LYG1: variants seen among roughly 807,000 people sequenced by gnomAD.
The protein encoded by LYG1 is lysozyme g-like protein 1.
In LYG1, 17 loss-of-function variants were observed where a neutral mutation model predicts 21.7. The ratio of observed to expected loss-of-function variants is 0.78; its 90% CI spans 0.54 to 1.18. The LOEUF (loss-of-function observed/expected upper bound fraction) is 1.18, where lower values mean the gene tolerates loss of function less well. Ranked by LOEUF, LYG1 falls within the 50% of genes most tolerant of loss-of-function variation. The pLI, the probability that LYG1 is intolerant of heterozygous loss-of-function variation, is 0.00. For missense variants in LYG1, 211 were observed against 238.1 expected, an observed-to-expected ratio of 0.89 and a Z score of 0.75; for synonymous variants, 81 against 87.4, an observed-to-expected ratio of 0.93 and a Z score of 0.41.
chr2:99,287,635 C>T (rs1407720093), intron 5 of LYG1, among the ~76,000 whole-genome samples: 1 of 151,900 alleles, frequency 6.6e-6, no homozygotes, highest in Admixed American at 6.6e-5. Flanking sequence ...GTTTCTCTAT[C>T]ATCCTGTTTT....
Position 99,297,223 on chromosome 2 carries a change from GCTCAGATTTAATCA to G in LYG1, c.-33+1222_-33+1235del, listed in dbSNP as rs547299975. On this transcript the variant is annotated intron_variant, in intron 2 of 6. Transcript: ENST00000308528. ...GAATCTTAGCTGGGTCTGCAGGAAC[GCTCAGATTTAATCA>G]CCCAACAGGAGTCATTTATTCAGCA... 3.3e-3 allele frequency among the ~76,000 whole-genome samples: 501 copies of G among 152,254 alleles called. 3 individuals carry two copies. Among genetic ancestry groups the G allele is most frequent in the African/African-American group, 0.01 (432 of 41,552 alleles).
At chr2:99,304,265 G>C (rs571120671), upstream of LYG1, among the ~76,000 whole-genome samples, 1 of 152,294 alleles carries the variant, frequency 6.6e-6, no homozygotes, top group South Asian at 2.1e-4. Flanking sequence ...TCTCATGGTA[G>C]TGTATAAGTC....
At chr2:99,299,050 G>A (rs549359680) in intron 1 of LYG1, among the ~76,000 whole-genome samples, 20 of 151,912 alleles carry the variant, frequency 1.3e-4, no homozygotes, top group African/African-American at 4.1e-4. Flanking sequence ...TCTTGCCTCA[G>A]CCTCCTGAGT....
In LYG1 at chr2:99,284,474, G is replaced by A. The variant is rs202031034; in HGVS notation, c.504C>T (p.Val168=). ...LCAYSGGAGY[V]RSSQDLSCDF... is the part of the protein sequence containing the mutation. The stretch of plus-strand genomic sequence containing the variant: ...CACAGCTCAGGTCCTGGCTGCTTCG[G>A]ACATAGCCAGCACCCCCACTGTAGG... The change falls in exon 7 of 7, where the codon GTC becomes GTT. Residue 168 remains valine (V), a synonymous_variant. Coordinates refer to ENST00000308528, the MANE Select transcript of LYG1 (RefSeq NM_174898.3). 243 of 1,614,192 alleles carry A rather than the reference G, an allele frequency of 1.5e-4. No homozygotes were observed. Among genetic ancestry groups the A allele is most frequent in the Non-Finnish European group, 2.0e-4 (233 of 1,180,024 alleles).
upstream of LYG1, among the ~76,000 whole-genome samples, chr2:99,301,995 A>T (rs1471839993): frequency 6.6e-6 from 1 of 152,128 alleles, no homozygotes; most frequent in East Asian, 1.9e-4. Flanking sequence ...TGAAAGAGGG[A>T]GCCCCCTCCC....
chr2:99,288,421 A>G (rs949218224), intron 5 of LYG1, among the ~76,000 whole-genome samples: 5 of 152,114 alleles, frequency 3.3e-5, no homozygotes, highest in Non-Finnish European at 7.4e-5. Context: ...AATCTCGTTC[A>G]TACATCTGTG....
intron 1 of LYG1, among the ~76,000 whole-genome samples, chr2:99,299,709 T>C (rs1248020360): frequency 6.6e-5 from 10 of 152,092 alleles, no homozygotes; most frequent in Admixed American, 3.9e-4. Context: ...CACCAACACC[T>C]GGCCTGTTTT....
intron 3 of LYG1, among the ~76,000 whole-genome samples, chr2:99,293,375 T>G (rs930086769): frequency 9.9e-5 from 15 of 152,226 alleles, no homozygotes; most frequent in Non-Finnish European, 1.0e-4. Context: ...TTATGTTTGC[T>G]CTGGAGAAAC....
At chr2:99,299,280 T>C (rs2094146897) in intron 1 of LYG1, among the ~76,000 whole-genome samples, 1 of 150,594 alleles carries the variant, frequency 6.6e-6, no homozygotes, top group African/African-American at 2.4e-5. Flanking sequence ...CTTTTTCTTT[T>C]TTTCTTTTTT....
chr2:99,291,634 G>C (rs949027965), intron 4 of LYG1, among the ~76,000 whole-genome samples: 12 of 152,120 alleles, frequency 7.9e-5, no homozygotes, highest in African/African-American at 2.7e-4. Context: ...CCTGAGCCAG[G>C]GTCCCCTGTG....
intron 2 of LYG1, among the ~76,000 whole-genome samples, chr2:99,296,820 C>A (rs945032832): frequency 1.3e-5 from 2 of 152,018 alleles, no homozygotes; most frequent in African/African-American, 2.4e-5. Flanking sequence ...TTTCAAACAC[C>A]CAGGAAGAGA....
upstream of LYG1, among the ~76,000 whole-genome samples, chr2:99,303,041 T>C (rs2094159118): frequency 6.6e-6 from 1 of 151,050 alleles, no homozygotes; most frequent in African/African-American, 2.4e-5. Context: ...GAAGATTTTG[T>C]TTTTCTCTAC....
intron 1 of LYG1, among the ~76,000 whole-genome samples, chr2:99,300,239 C>T (rs1427466748): frequency 6.6e-6 from 1 of 152,164 alleles, no homozygotes; most frequent in East Asian, 1.9e-4. Flanking sequence ...TAATTACCAG[C>T]CTAGAAGACC....
In LYG1 at chr2:99,291,333, G is replaced by A; in HGVS notation, c.237C>T (p.Tyr79=). The A allele has an allele frequency of 6.2e-7, 1 of 1,613,546 alleles. No homozygotes were observed. Among genetic ancestry groups the A allele is most frequent in the Non-Finnish European group, 8.5e-7 (1 of 1,179,648 alleles). ...QPMMQTIGQK[Y]CMDPAVIAGV... is the part of the protein sequence containing the mutation. The stretch of plus-strand genomic sequence containing the variant: ...CAGCGATCACGGCAGGATCCATGCA[G>A]TACTTTTGGCCAATGGTTTGCATCA... Residue 79 remains tyrosine, a synonymous_variant, in exon 5 of 7, where the codon TAC becomes TAT. Coordinates refer to ENST00000308528, the MANE Select transcript of LYG1 (RefSeq NM_174898.3).
intron 4 of LYG1, 76 bp from the exon 5 acceptor site, chr2:99,291,497 G>A (rs2094118270): frequency 7.0e-7 from 1 of 1,437,228 alleles, no homozygotes; most frequent in Admixed American, 1.9e-5. Context: ...GAGAGAGAAA[G>A]AACAATCCAA....
In LYG1 at chr2:99,296,023, C is replaced by G. The variant is rs1310257714; in HGVS notation, c.-32-321G>C. Reference sequence around the variant, plus strand: ...CACCAAGAAACATACTGACCTGGCTCCAGACCCTGAAAAGCAAATTTCTGA... The same window carrying G: ...CACCAAGAAACATACTGACCTGGCTGCAGACCCTGAAAAGCAAATTTCTGA... On this transcript the variant is annotated intron_variant, in intron 2 of 6. Transcript: ENST00000308528. 1.3e-5 allele frequency among the ~76,000 whole-genome samples: 2 copies of G among 151,900 alleles called. 1 individual carries two copies. Among genetic ancestry groups the G allele is most frequent in the South Asian group, 4.2e-4 (2 of 4,800 alleles).
At chr2:99,285,922 C>A (rs2094098222) in intron 5 of LYG1, among the ~76,000 whole-genome samples, 1 of 152,134 alleles carries the variant, frequency 6.6e-6, no homozygotes, top group South Asian at 2.1e-4. Context: ...AATGCTTGTC[C>A]CTTGTGAAAT....
intron 3 of LYG1, among the ~76,000 whole-genome samples, chr2:99,293,908 C>G (rs2105297217): frequency 6.6e-6 from 1 of 152,062 alleles, no homozygotes; most frequent in Non-Finnish European, 1.5e-5. Flanking sequence ...TTAGATTACT[C>G]TTTAATTAAT....
At chr2:99,299,972 C>T (rs1313590671) in intron 1 of LYG1, among the ~76,000 whole-genome samples, 1 of 151,920 alleles carries the variant, frequency 6.6e-6, no homozygotes, top group Non-Finnish European at 1.5e-5. Context: ...AGCAACACTC[C>T]AGCCCATTGC....
Sources: gnomAD v4.1 joint callset for allele counts (sites outside exome capture counted in the v4.1 genomes callset) on GRCh38, gnomAD v4.1.1 for gene constraint, MANE v1.5 for transcripts, NCBI Gene and HGNC (gene_info 2026-07-23, HGNC 2026-07-21) for gene names.